The following RHOT1 variants were observed in gnomAD, a reference collection of about 807,000 sequenced individuals.
RHOT1 encodes ras homolog family member T1.
In RHOT1, 27 loss-of-function variants were observed where a neutral mutation model predicts 95.3. The ratio of observed to expected loss-of-function variants is 0.28; its 90% CI spans 0.21 to 0.39. The LOEUF is 0.39. Among genes scored for constraint, RHOT1 ranks in the 10% least tolerant of loss-of-function variants. The pLI, the probability that RHOT1 is intolerant of heterozygous loss-of-function variation, is 1.00. For missense variants in RHOT1, 578 were observed against 786.7 expected (o/e 0.73, Z 3.17); for synonymous variants, 227 against 263.5 (o/e 0.86, Z 1.34).
At chr17:32,151,311 C>T (rs1456208118) in intron 1 of RHOT1, 17 of 642,714 alleles carry the variant, frequency 2.6e-5, no homozygotes, top group Non-Finnish European at 4.5e-5. Flanking sequence ...ACTTGGGAGG[C>T]TAAGGTGGGA....
At chr17:32,203,527 A>G (rs1484551291) in intron 15 of RHOT1, among the ~76,000 whole-genome samples, 1 of 152,036 alleles carries the variant, frequency 6.6e-6, no homozygotes, top group Non-Finnish European at 1.5e-5. Context: ...TGCTGGGATT[A>G]CAGGCATGTG....
chr17:32,192,325 T>G, intron 9 of RHOT1, 26 bp downstream of exon 9: 1 of 1,197,120 alleles, frequency 8.4e-7, no homozygotes, highest in Non-Finnish European at 1.2e-6. Flanking sequence ...TTCAGACATT[T>G]GCGTATCTTT....
At chr17:32,203,849 C>A in intron 15 of RHOT1, 41 bp from the exon 16 acceptor site, 4 of 1,411,022 alleles carry the variant, frequency 2.8e-6, no homozygotes, top group Non-Finnish European at 4.0e-6. Flanking sequence ...TTGTTGAAAA[C>A]TAGTTACTGC....
At chr17:32,187,259 C>T (rs1345913426) in intron 8 of RHOT1, among the ~76,000 whole-genome samples, 1 of 152,020 alleles carries the variant, frequency 6.6e-6, no homozygotes, top group Admixed American at 6.6e-5. Flanking sequence ...TGCACTCCAG[C>T]CTGGGCTACA....
chr17:32,154,586 C>CA (rs1022159247), intron 1 of RHOT1, among the ~76,000 whole-genome samples: 2,162 of 61,518 alleles, frequency 0.035, 74 homozygotes, highest in African/African-American at 0.083. Flanking sequence ...GGCTCCATCT[C>CA]AAAAAAAAAA....
intron 19 of RHOT1, among the ~76,000 whole-genome samples, chr17:32,221,370 CAAAA>C (rs397805349): frequency 8.8e-5 from 6 of 67,980 alleles, no homozygotes; most frequent in Non-Finnish European, 9.4e-5. Context: ...TCGTCTGTCT[CAAAA>C]AAAAAAAAAA....
chr17:32,211,289 A>C, intron 19 of RHOT1, 51 bp downstream of exon 19: 1 of 1,509,338 alleles, frequency 6.6e-7, no homozygotes, highest in Non-Finnish European at 9.0e-7. Flanking sequence ...AATACAAAAG[A>C]AAAAAGCGGA....
At chr17:32,146,767 T>G (rs866350935) in intron 1 of RHOT1, among the ~76,000 whole-genome samples, 5 of 150,342 alleles carry the variant, frequency 3.3e-5, no homozygotes, top group Admixed American at 6.7e-5. Flanking sequence ...CTATTATTAT[T>G]TTTTTGAGAC....
At chr17:32,215,634 G>C (rs2038424954) in intron 19 of RHOT1, among the ~76,000 whole-genome samples, 1 of 152,034 alleles carries the variant, frequency 6.6e-6, no homozygotes, top group Non-Finnish European at 1.5e-5. Flanking sequence ...AGTTTCAAGA[G>C]GTTAATTTCT....
chr17:32,183,448 C>T (rs78852322), intron 8 of RHOT1, among the ~76,000 whole-genome samples, 176 bp downstream of exon 8: 8,784 of 152,188 alleles, frequency 0.058, 440 homozygotes, highest in East Asian at 0.19. Context: ...ATTAAATATT[C>T]GTAATATTTT....
At chr17:32,201,857 G>T (rs928048450) in intron 14 of RHOT1, among the ~76,000 whole-genome samples, 2 of 151,736 alleles carry the variant, frequency 1.3e-5, no homozygotes, top group Non-Finnish European at 2.9e-5. Flanking sequence ...TATCTCTGGT[G>T]AGGTCTGTTG....
At chr17:32,204,548 A>ATT (rs2037563080) in intron 16 of RHOT1, among the ~76,000 whole-genome samples, 1 of 151,734 alleles carries the variant, frequency 6.6e-6, no homozygotes, top group African/African-American at 2.4e-5. Context: ...CTCCAGAAAA[A>ATT]AAAAAAAAAA....
At chr17:32,186,711 G>T (rs2036087576) in intron 8 of RHOT1, among the ~76,000 whole-genome samples, 1 of 152,070 alleles carries the variant, frequency 6.6e-6, no homozygotes, top group Non-Finnish European at 1.5e-5. Context: ...ATCCAGGCTG[G>T]AGTACAGTGG....
chr17:32,150,322 C>G (rs1254489651), intron 1 of RHOT1: 3 of 311,026 alleles, frequency 9.6e-6, no homozygotes, highest in Admixed American at 5.0e-5. Context: ...TGTAATCTGT[C>G]CCTTTCCAAT....
chr17:32,207,737 C>G (rs954716358), intron 17 of RHOT1, among the ~76,000 whole-genome samples: 1 of 152,150 alleles, frequency 6.6e-6, no homozygotes, highest in Admixed American at 6.5e-5. Flanking sequence ...CATAAAAATG[C>G]ATGTGCTCAA....
At chr17:32,175,429 CT>C in intron 4 of RHOT1, 67 bp downstream of exon 4, 1 of 1,349,448 alleles carries the variant, frequency 7.4e-7, no homozygotes, top group Non-Finnish European at 1.1e-6. Context: ...ATGAGCCTGC[CT>C]TTTTCATTCT....
intron 1 of RHOT1, among the ~76,000 whole-genome samples, chr17:32,153,784 A>G (rs374843919): frequency 8.5e-5 from 13 of 152,234 alleles, no homozygotes; most frequent in African/African-American, 3.1e-4. Flanking sequence ...TCTACTGGGA[A>G]TAGTCAGGTG....
At chr17:32,151,300 T>C (rs1368936935) in intron 1 of RHOT1, 1 of 652,146 alleles carries the variant, frequency 1.5e-6, no homozygotes, top group Non-Finnish European at 2.9e-6. Flanking sequence ...TAGTCCCAGA[T>C]ACTTGGGAGG....
chr17:32,174,966 C>A (rs977416833), intron 3 of RHOT1, among the ~76,000 whole-genome samples: 2 of 152,158 alleles, frequency 1.3e-5, no homozygotes, highest in African/African-American at 2.4e-5. Flanking sequence ...GCCTTTTGAT[C>A]CTGTGTGTAT....
Sources: gnomAD v4.1 joint callset for allele counts (sites outside exome capture counted in the v4.1 genomes callset) on GRCh38, gnomAD v4.1.1 for gene constraint, MANE v1.5 for transcripts, NCBI Gene and HGNC (gene_info 2026-07-23, HGNC 2026-07-21) for gene names.